The following ABCC8 variants were observed in gnomAD, a reference collection of about 807,000 sequenced individuals.
ABCC8 encodes ATP-binding cassette sub-family C member 8.
ABCC8 carries 137 observed loss-of-function variants against 188.0 expected under a neutral mutation model. The observed-to-expected ratio is 0.73, with a 90% CI of 0.63 to 0.84. ABCC8 has a LOEUF of 0.84. Ranked by LOEUF, ABCC8 falls within the 40% of genes least tolerant of loss-of-function variation. The pLI is 0.00. For missense variants in ABCC8, 1,750 were observed against 2,072.7 expected (o/e 0.84, Z 3.02); for synonymous variants, 797 against 846.5 (o/e 0.94, Z 1.01).
intron 2 of ABCC8, 63 bp from the exon 3 acceptor site, chr11:17,470,285 A>G (rs1027435443): frequency 6.2e-7 from 1 of 1,610,382 alleles, no homozygotes; most frequent in Non-Finnish European, 8.5e-7. Context: ...AGAGCAGCCC[A>G]GGCCTTGAAT....
intron 28 of ABCC8, among the ~76,000 whole-genome samples, chr11:17,403,695 A>G (rs1395476422): frequency 6.6e-6 from 1 of 152,186 alleles, no homozygotes; most frequent in African/African-American, 2.4e-5. Flanking sequence ...AATATATTTT[A>G]TCTCACAAAT....
At chr11:17,441,370 C>T (rs937071100) in intron 10 of ABCC8, among the ~76,000 whole-genome samples, 4 of 152,216 alleles carry the variant, frequency 2.6e-5, no homozygotes, top group African/African-American at 9.6e-5. Flanking sequence ...AATTTCCCAT[C>T]TGTAAAATGG....
intron 7 of ABCC8, among the ~76,000 whole-genome samples, chr11:17,450,246 TTCTTTCTTTCTTTC>T (rs879718605): frequency 0.16 from 10,766 of 67,234 alleles, 1,166 homozygotes; most frequent in Non-Finnish European, 0.17. Context: ...TCTTTTCTTT[TTCTTTCTTTCTTTC>T]TCTTTCTTTC....
At chr11:17,406,576 A>C in intron 26 of ABCC8, 46 bp downstream of exon 26, 1 of 1,565,540 alleles carries the variant, frequency 6.4e-7, no homozygotes. Flanking sequence ...GGCTCAGAGA[A>C]CAGTGACTTG....
chr11:17,423,329 C>G (rs1033831478), intron 16 of ABCC8, among the ~76,000 whole-genome samples: 1 of 128,068 alleles, frequency 7.8e-6, no homozygotes, highest in African/African-American at 3.0e-5. Flanking sequence ...TGCACTCCAG[C>G]CTGGGCAACA....
intron 3 of ABCC8, among the ~76,000 whole-genome samples, chr11:17,464,788 G>T (rs1265278400): frequency 6.6e-6 from 1 of 152,126 alleles, no homozygotes; most frequent in Admixed American, 6.5e-5. Context: ...GAGGGTGGGG[G>T]AGATTTTAGC....
intron 26 of ABCC8, 148 bp from the exon 27 acceptor site, chr11:17,405,711 T>C (rs1244436611): frequency 1.3e-6 from 2 of 1,483,650 alleles, no homozygotes; most frequent in East Asian, 4.9e-5. Flanking sequence ...ATCTGGCCTG[T>C]ATCCCCGTGA....
chr11:17,468,845 C>T (rs545631515), intron 3 of ABCC8, among the ~76,000 whole-genome samples: 2 of 152,264 alleles, frequency 1.3e-5, no homozygotes, highest in South Asian at 4.1e-4. Flanking sequence ...ATGGAGCCTG[C>T]CCCATGGCAC....
At chr11:17,448,328 T>G in intron 8 of ABCC8, 188 bp downstream of exon 8, 3 of 626,508 alleles carry the variant, frequency 4.8e-6, no homozygotes, top group Non-Finnish European at 5.8e-6. Flanking sequence ...TTAAGAGAGA[T>G]GGTCAGTGCT....
chr11:17,414,778 G>A (rs1591765698), intron 18 of ABCC8, 168 bp from the exon 19 acceptor site: 1 of 851,304 alleles, frequency 1.2e-6, no homozygotes, highest in African/African-American at 1.8e-5. Context: ...CCCCCAGGCA[G>A]GTTTGAGAGG....
intron 12 of ABCC8, 165 bp from the exon 13 acceptor site, chr11:17,428,835 G>T (rs1564925927): frequency 6.8e-6 from 9 of 1,321,626 alleles, no homozygotes; most frequent in Non-Finnish European, 8.2e-6. Context: ...GCAGGTAATT[G>T]GTGTTACCAG....
intron 1 of ABCC8, among the ~76,000 whole-genome samples, chr11:17,475,541 A>T (rs1040791244): frequency 6.6e-6 from 1 of 152,164 alleles, no homozygotes; most frequent in South Asian, 2.1e-4. Context: ...CCCATTATAC[A>T]TACTAACTTC....
In ABCC8 at chr11:17,463,507, G is replaced by A. The variant is rs752679178; in HGVS notation, c.510C>T (p.Cys170=). 15 of 1,602,410 alleles carry A rather than the reference G, an allele frequency of 9.4e-6. No homozygotes were observed. Among genetic ancestry groups the A allele is most frequent in the Non-Finnish European group, 1.3e-5 (15 of 1,174,936 alleles). The change falls in exon 4 of 39, where the codon TGC becomes TGT. Residue 170 remains cysteine, a synonymous_variant. Coordinates refer to ENST00000389817, the MANE Select transcript of ABCC8 (RefSeq NM_000352.6). The stretch of plus-strand genomic sequence containing the variant: ...AGAGGATCACCAGCAGCCCTGTGAG[G>A]CAGAAGCGTAGCTGCGAGAAGCCGA... ...HAIGFSQLRF[C]LTGLLVILYG...
Position 17,398,431 on chromosome 11 carries a change from G to A in ABCC8, c.3661C>T (p.Arg1221Trp), listed in dbSNP as rs567382793. 4.3e-6 allele frequency: 7 copies of A among 1,614,066 alleles called. No individual in the cohort carries two copies. Among genetic ancestry groups the A allele is most frequent in the Admixed American group, 3.3e-5 (2 of 60,022 alleles). The change falls in exon 30 of 39, where the codon CGG becomes TGG. Residue 1221 changes from arginine (R) to tryptophan (W), a missense_variant. Physicochemically the swap from Arg to Trp is moderately radical, Grantham distance 101. Coordinates refer to ENST00000389817, the MANE Select transcript of ABCC8 (RefSeq NM_000352.6). ...TATTCGAGAAGCTTCTGCTGGAACCGGGCCTCATACCTGGAGGGAGGATGA... is the reference window on the plus strand; with the variant it reads ...TATTCGAGAAGCTTCTGCTGGAACCAGGCCTCATACCTGGAGGGAGGATGA... The part of the protein sequence containing the change: ...TTIRAFRYEA[R>W]FQQKLLEYTD...
chr11:17,453,415 A>G (rs1163908000), intron 6 of ABCC8, 132 bp from the exon 7 acceptor site: 1 of 1,256,842 alleles, frequency 8.0e-7, no homozygotes, highest in East Asian at 2.5e-5. Context: ...GGCTTGTGCA[A>G]TTGTTTATGA....
intron 2 of ABCC8, among the ~76,000 whole-genome samples, chr11:17,472,041 C>T (rs1455799344): frequency 1.3e-5 from 2 of 152,240 alleles, no homozygotes; most frequent in East Asian, 3.9e-4. Flanking sequence ...TTGAAACACC[C>T]TCTACTCTCT....
chr11:17,455,734 T>G (rs1956967598), intron 6 of ABCC8, among the ~76,000 whole-genome samples: 1 of 151,812 alleles, frequency 6.6e-6, no homozygotes, highest in African/African-American at 2.4e-5. Flanking sequence ...GGTCGGGAGT[T>G]TGAGACCAGC....
At chr11:17,424,375 G>A (rs1463771397) in intron 16 of ABCC8, among the ~76,000 whole-genome samples, 1 of 152,138 alleles carries the variant, frequency 6.6e-6, no homozygotes, top group Non-Finnish European at 1.5e-5. Flanking sequence ...GCCTTGGAGA[G>A]GCTCCTTGTG....
chr11:17,440,377 G>A (rs1956268582), intron 10 of ABCC8, among the ~76,000 whole-genome samples: 1 of 152,170 alleles, frequency 6.6e-6, no homozygotes, highest in South Asian at 2.1e-4. Context: ...AGCCTCCAGG[G>A]GCAGGCAGGA....
Sources: allele counts gnomAD v4.1 joint callset (sites outside exome capture counted in the v4.1 genomes callset), GRCh38; gene constraint gnomAD v4.1.1; transcripts MANE v1.5; gene names NCBI Gene and HGNC (gene_info 2026-07-23, HGNC 2026-07-21).